The following MDGA1 variants were observed in gnomAD, a reference collection of about 807,000 sequenced individuals.
MDGA1 encodes the protein MAM domain containing glycosylphosphatidylinositol anchor 1.
MDGA1 carries 54 observed loss-of-function variants against 101.5 expected under a neutral mutation model. That is an observed-to-expected ratio of 0.53 (90% CI 0.43 to 0.67). The LOEUF (loss-of-function observed/expected upper bound fraction) is 0.67, where lower values mean the gene tolerates loss of function less well. MDGA1 is among the 30% of genes least tolerant of loss of function. The probability of loss-of-function intolerance (pLI) is 0.00; values close to 1 mark genes in which losing one functional copy is unlikely to be tolerated. For missense variants in MDGA1, 1,083 were observed against 1,323.8 expected (o/e 0.82, Z 2.82); for synonymous variants, 533 against 558.3 (o/e 0.95, Z 0.64).
At chr6:37,670,855 C>T (rs1478800464) in intron 1 of MDGA1, among the ~76,000 whole-genome samples, 1 of 152,164 alleles carries the variant, frequency 6.6e-6, no homozygotes, top group Non-Finnish European at 1.5e-5. Flanking sequence ...GAAGAGGAAC[C>T]GTCTTGTCCA....
intron 9 of MDGA1, 72 bp downstream of exon 9, chr6:37,648,910 C>A: frequency 1.3e-6 from 2 of 1,491,150 alleles, no homozygotes; most frequent in East Asian, 2.7e-5. Flanking sequence ...AAGAATCACC[C>A]GGGCTGGGAT....
intron 16 of MDGA1, chr6:37,637,918 G>A (rs1763966677): frequency 3.6e-6 from 2 of 549,782 alleles, no homozygotes; most frequent in East Asian, 6.0e-5. Context: ...TGGAGCCAGA[G>A]GTACGCACAG....
intron 3 of MDGA1, among the ~76,000 whole-genome samples, 182 bp from the exon 4 acceptor site, chr6:37,656,078 T>C (rs1471923989): frequency 1.0e-4 from 2 of 19,298 alleles, no homozygotes; most frequent in Non-Finnish European, 3.0e-4. Flanking sequence ...GACTTTTTCC[T>C]TTTTTTTTTT....
chr6:37,635,190 T>C lies in MDGA1; in HGVS notation c.*2178A>G, dbSNP rs1475053641. 2 of 336,858 alleles carry C rather than the reference T, an allele frequency of 5.9e-6. No individual in the cohort carries two copies. Among genetic ancestry groups the C allele is most frequent in the Non-Finnish European group, 1.1e-5 (2 of 187,072 alleles). 20.9% of individuals were successfully genotyped at this position (336,858 alleles called of 1,614,324 possible). A position where few individuals can be genotyped will look rare whatever the true frequency, so the allele number is the denominator to read the frequency against. ...TGAGGTGGGAACCAAGCAGCAATAC[T>C]TTTTAAAGGACTCTGGTGGTTCTAT... is the stretch of plus-strand genomic sequence containing the variant. On this transcript the variant is annotated 3_prime_UTR_variant, in exon 17 of 17. Coordinates refer to ENST00000434837, the MANE Select transcript of MDGA1 (RefSeq NM_153487.4).
chr6:37,646,818 T>C (rs1761213007), intron 10 of MDGA1, among the ~76,000 whole-genome samples: 1 of 152,094 alleles, frequency 6.6e-6, no homozygotes, highest in Admixed American at 6.6e-5. Context: ...GGAGACCCCC[T>C]GGATGAGACT....
intron 9 of MDGA1, 70 bp from the exon 10 acceptor site, chr6:37,647,394 G>A (rs1265717447): frequency 3.1e-6 from 3 of 970,960 alleles, no homozygotes; most frequent in Admixed American, 2.8e-5. Flanking sequence ...GGAGGTGTGG[G>A]AAAGGGAAAC....
chr6:37,641,494 A>G lies in MDGA1; in HGVS notation c.2536+2315T>C, dbSNP rs577256706. ...CCTATGGCTATGGGCAAATGGGCTG[A>G]GCACCCCCAGGCTAATGCCTCCAAA... On this transcript the variant is annotated intron_variant, in intron 14 of 16. Coordinates refer to ENST00000434837, the MANE Select transcript of MDGA1 (RefSeq NM_153487.4). 2.0e-5 allele frequency among the ~76,000 whole-genome samples: 3 copies of G among 152,292 alleles called. 1 individual carries two copies. The highest frequency in any genetic ancestry group is 7.2e-5 in the African/African-American group (3 of 41,558).
At chr6:37,664,888 C>T (rs1761711745) in intron 1 of MDGA1, among the ~76,000 whole-genome samples, 1 of 145,112 alleles carries the variant, frequency 6.9e-6, no homozygotes, top group African/African-American at 2.5e-5. Flanking sequence ...CACACACACA[C>T]ACACACACAC....
intron 1 of MDGA1, among the ~76,000 whole-genome samples, chr6:37,681,793 G>A (rs1762102067): frequency 6.6e-6 from 1 of 151,988 alleles, no homozygotes; most frequent in Non-Finnish European, 1.5e-5. Context: ...GAGGAGGAGG[G>A]GACAATGAGG....
Position 37,697,130 on chromosome 6 carries a change from G to A in MDGA1, c.-319C>T. 1 of 256,222 alleles carries A rather than the reference G, an allele frequency of 3.9e-6. No homozygotes were observed. The highest frequency in any genetic ancestry group is 7.3e-6 in the Non-Finnish European group (1 of 137,438). 15.9% of individuals were successfully genotyped at this position (256,222 alleles called of 1,614,324 possible). On this transcript the variant is annotated 5_prime_UTR_variant, in exon 1 of 17. Coordinates refer to ENST00000434837, the MANE Select transcript of MDGA1 (RefSeq NM_153487.4). The stretch of plus-strand genomic sequence containing the variant: ...CCGCCCCGGGTACCCAGGGCCGTCC[G>A]CGCGGGATGCTAGGCGCCGGGGACC...
At position 37,650,338 on chromosome 6, in the gene MDGA1, C is replaced by G; in HGVS notation, c.1380G>C (p.Glu460Asp). 4.4e-6 allele frequency: 7 copies of G among 1,582,024 alleles called. No individual in the cohort carries two copies. The highest frequency in any genetic ancestry group is 5.1e-6 in the Non-Finnish European group (6 of 1,166,278). Residue 460 changes from glutamate to aspartate, a missense_variant, in exon 8 of 17, where the codon GAG becomes GAC. Physicochemically the swap from Glu to Asp is conservative, Grantham distance 45 (BLOSUM62 2). Around this residue, in one of 3 missense-constraint regions of MDGA1, gnomAD observed 657 missense variants for 771.4 expected, o/e 0.85. Coordinates refer to ENST00000434837, the MANE Select transcript of MDGA1 (RefSeq NM_153487.4). ...GCTTGCCCCGCACCTCGCATTGCAGCTCGGCAGGCGATCCCTCGCGCACGG... is the reference window on the plus strand; with the variant it reads ...GCTTGCCCCGCACCTCGCATTGCAGGTCGGCAGGCGATCCCTCGCGCACGG... ...VVTVREGSPA[E>D]LQCEVRGKPR...
intron 5 of MDGA1, 104 bp downstream of exon 5, chr6:37,654,696 A>ACATTAGT (rs1761442773): frequency 1.9e-6 from 3 of 1,543,672 alleles, no homozygotes; most frequent in African/African-American, 2.7e-5. Flanking sequence ...GAGGGGCCAG[A>ACATTAGT]CATTAGTGGC....
intron 1 of MDGA1, among the ~76,000 whole-genome samples, chr6:37,689,975 A>T (rs1414704597): frequency 6.6e-6 from 1 of 152,148 alleles, no homozygotes; most frequent in Non-Finnish European, 1.5e-5. Flanking sequence ...AAACCCTGCC[A>T]TGGTCCCCTA....
At position 37,680,192 on chromosome 6, in the gene MDGA1, C is replaced by T. The variant is rs186227267; in HGVS notation, c.68-16086G>A. ...AGGTGGGGATGGAAGGTGAGCTGTG[C>T]GGGATCACTTGCCTGACCCTTCCCA... On this transcript the variant is annotated intron_variant, in intron 1 of 16. Transcript: ENST00000434837. Among the ~76,000 whole-genome samples, 7 of 152,284 alleles carry T rather than the reference C, an allele frequency of 4.6e-5. No individual in the cohort carries two copies. In the East Asian group the frequency reaches 5.8e-4, roughly 13 times the overall value.
intron 1 of MDGA1, among the ~76,000 whole-genome samples, chr6:37,665,956 C>A (rs1290891882): frequency 6.6e-6 from 1 of 152,164 alleles, no homozygotes; most frequent in Non-Finnish European, 1.5e-5. Context: ...CCTGTCTCAC[C>A]TTTCCTCCTT....
chr6:37,674,069 G>A (rs1761927117), intron 1 of MDGA1, among the ~76,000 whole-genome samples: 1 of 152,198 alleles, frequency 6.6e-6, no homozygotes, highest in Non-Finnish European at 1.5e-5. Flanking sequence ...GGGACACAGA[G>A]CCAAATGAGG....
chr6:37,657,927 T>C (rs956745993), intron 3 of MDGA1, among the ~76,000 whole-genome samples: 1 of 145,092 alleles, frequency 6.9e-6, no homozygotes, highest in Non-Finnish European at 1.5e-5. Context: ...CTCTCAGCTC[T>C]GAGGCTACCC....
intron 2 of MDGA1, among the ~76,000 whole-genome samples, chr6:37,660,071 G>A (rs2114043354): frequency 7.0e-6 from 1 of 143,264 alleles, no homozygotes; most frequent in Admixed American, 7.1e-5. Flanking sequence ...ATGAGGTCTT[G>A]CTCTGTCACC....
At chr6:37,661,971 A>G (rs1043208656) in intron 2 of MDGA1, among the ~76,000 whole-genome samples, 2 of 145,844 alleles carry the variant, frequency 1.4e-5, no homozygotes, top group African/African-American at 5.1e-5. Context: ...CATAGGCAAC[A>G]TGGTGAAAAC....
Sources: allele counts gnomAD v4.1 joint callset (sites outside exome capture counted in the v4.1 genomes callset), GRCh38; gene constraint gnomAD v4.1.1; regional missense constraint gnomAD v4.1.1; transcripts MANE v1.5; gene names NCBI Gene and HGNC (gene_info 2026-07-23, HGNC 2026-07-21).